The following KIAA1217 variants were observed in gnomAD, a reference collection of about 807,000 sequenced individuals.
The protein encoded by KIAA1217 is sickle tail protein homolog.
In KIAA1217, 88 loss-of-function variants were observed where a neutral mutation model predicts 163.9. That is an observed-to-expected ratio of 0.54 (90% CI 0.45 to 0.64). The LOEUF is 0.64. Ranked by LOEUF, KIAA1217 falls within the 30% of genes least tolerant of loss-of-function variation. The pLI, the probability that KIAA1217 is intolerant of heterozygous loss-of-function variation, is 0.00. For synonymous variants in KIAA1217, 903 were observed against 923.1 expected, an observed-to-expected ratio of 0.98 and a Z score of 0.39; for missense variants, 2,372 against 2,475.0, an observed-to-expected ratio of 0.96 and a Z score of 0.88.
chr10:24,064,831 T>C (rs1564655495), intron 2 of KIAA1217, among the ~76,000 whole-genome samples: 1 of 152,220 alleles, frequency 6.6e-6, no homozygotes, highest in African/African-American at 2.4e-5. Context: ...CTGTTATTGG[T>C]CTATTCAGAG....
At chr10:24,187,444 G>A (rs2066491235) in intron 2 of KIAA1217, among the ~76,000 whole-genome samples, 1 of 152,098 alleles carries the variant, frequency 6.6e-6, no homozygotes, top group Non-Finnish European at 1.5e-5. Flanking sequence ...TCATTAATAT[G>A]TTCTGCACTT....
intron 9 of KIAA1217, among the ~76,000 whole-genome samples, chr10:24,505,564 G>C (rs922080100): frequency 2.0e-5 from 3 of 151,950 alleles, no homozygotes; most frequent in Non-Finnish European, 2.9e-5. Flanking sequence ...TCCCCTCCTT[G>C]TGGGTGGCTG....
intron 1 of KIAA1217, among the ~76,000 whole-genome samples, chr10:23,725,078 T>C (rs1344918899): frequency 6.6e-6 from 1 of 152,198 alleles, no homozygotes; most frequent in East Asian, 1.9e-4. Context: ...CCTGCCTATG[T>C]CATGGGTTCT....
intron 2 of KIAA1217, among the ~76,000 whole-genome samples, chr10:24,143,815 A>T (rs1423284676): frequency 3.7e-5 from 5 of 134,496 alleles, no homozygotes; most frequent in East Asian, 4.2e-4. Flanking sequence ...ATTCCTGATT[A>T]AAAAAAAAAA....
chr10:23,940,510 CA>C (rs1233660413), intron 1 of KIAA1217, among the ~76,000 whole-genome samples: 1 of 147,878 alleles, frequency 6.8e-6, no homozygotes, highest in Admixed American at 6.8e-5. Context: ...GAAATTTCAG[CA>C]GTTGTTACTT....
chr10:24,526,497 G>A (rs771034835), intron 13 of KIAA1217, among the ~76,000 whole-genome samples: 1 of 152,150 alleles, frequency 6.6e-6, no homozygotes, highest in African/African-American at 2.4e-5. Flanking sequence ...TCAGTATGAT[G>A]GCACTCTTAT....
At chr10:24,545,417 C>G in intron 20 of KIAA1217, 1 of 1,302,634 alleles carries the variant, frequency 7.7e-7, no homozygotes, top group South Asian at 2.0e-5. Flanking sequence ...GAAGCAGAGA[C>G]AAACCAACCT....
intron 2 of KIAA1217, among the ~76,000 whole-genome samples, chr10:24,270,593 T>G (rs1564378847): frequency 6.6e-6 from 1 of 152,210 alleles, no homozygotes; most frequent in East Asian, 1.9e-4. Context: ...CAGGCTGGAG[T>G]GCAGTGGTGC....
chr10:23,793,791 G>A (rs1354913720), intron 1 of KIAA1217, among the ~76,000 whole-genome samples: 1 of 152,144 alleles, frequency 6.6e-6, no homozygotes, highest in Non-Finnish European at 1.5e-5. Flanking sequence ...CAAGCACAAA[G>A]CACACCCCTA....
chr10:24,459,204 C>T (rs1305163729), intron 5 of KIAA1217, among the ~76,000 whole-genome samples: 1 of 152,170 alleles, frequency 6.6e-6, no homozygotes, highest in Non-Finnish European at 1.5e-5. Flanking sequence ...TGTCCTTGAC[C>T]ATGCCTTAGT....
chr10:23,986,173 G>A (rs1461866670), intron 1 of KIAA1217, among the ~76,000 whole-genome samples: 1 of 152,226 alleles, frequency 6.6e-6, no homozygotes, highest in Non-Finnish European at 1.5e-5. Flanking sequence ...TTGAAAAGCA[G>A]GGATTCATAA....
intron 2 of KIAA1217, among the ~76,000 whole-genome samples, chr10:24,151,485 A>G (rs186604307): frequency 1.4e-5 from 2 of 147,520 alleles, no homozygotes; most frequent in African/African-American, 5.1e-5. Flanking sequence ...TCAAGGTTCT[A>G]TGACAGGCGC....
intron 1 of KIAA1217, among the ~76,000 whole-genome samples, chr10:23,869,741 C>T (rs1377052182): frequency 1.3e-5 from 2 of 152,062 alleles, no homozygotes; most frequent in Non-Finnish European, 2.9e-5. Context: ...ACAAGTACCA[C>T]GGCCGCCAAG....
chr10:24,403,457 T>C (rs2056817278), intron 3 of KIAA1217, among the ~76,000 whole-genome samples: 1 of 152,176 alleles, frequency 6.6e-6, no homozygotes, highest in Non-Finnish European at 1.5e-5. Flanking sequence ...CAGGCTGTTC[T>C]CGAACTCCTG....
At chr10:24,106,389 T>G (rs1260772390) in intron 2 of KIAA1217, among the ~76,000 whole-genome samples, 1 of 151,978 alleles carries the variant, frequency 6.6e-6, no homozygotes, top group Non-Finnish European at 1.5e-5. Context: ...TCCTTCCTCC[T>G]GCCTAGAATG....
At chr10:23,991,768 T>G (rs934121303) in intron 1 of KIAA1217, among the ~76,000 whole-genome samples, 4 of 152,146 alleles carry the variant, frequency 2.6e-5, no homozygotes, top group African/African-American at 9.7e-5. Flanking sequence ...GGCGATAACA[T>G]GCACACATAC....
At position 24,473,288 on chromosome 10, in the gene KIAA1217, A is replaced by G. The variant is rs1193844782; in HGVS notation, c.907A>G (p.Thr303Ala). The G allele has an allele frequency of 6.5e-7, 1 of 1,532,086 alleles. No homozygotes were observed. Among genetic ancestry groups the G allele is most frequent in the East Asian group, 2.3e-5 (1 of 44,194 alleles). 94.9% of individuals were successfully genotyped at this position (1,532,086 alleles called of 1,614,324 possible). A position where few individuals can be genotyped will look rare whatever the true frequency, so the allele number is the denominator to read the frequency against. The change falls in exon 6 of 21, where the codon ACT (threonine) becomes GCT (alanine). Residue 303 changes from threonine to alanine, a missense_variant. Transcript: ENST00000376454. Reference protein sequence around the residue: ...DGPGAPRPGSTAHPPHAIPNS... With the variant: ...DGPGAPRPGSAAHPPHAIPNS... Reference sequence around the variant, plus strand: ...CCCTGGGGCCCCTCGCCCCGGATCTACTGCTCATCCACCCCATGCGATTCC... The same window carrying G: ...CCCTGGGGCCCCTCGCCCCGGATCTGCTGCTCATCCACCCCATGCGATTCC...
intron 2 of KIAA1217, among the ~76,000 whole-genome samples, chr10:24,099,287 A>T (rs1388872718): frequency 6.6e-6 from 1 of 150,398 alleles, no homozygotes; most frequent in East Asian, 2.0e-4. Context: ...TGCACCCATT[A>T]ACTCGTCATT....
intron 2 of KIAA1217, among the ~76,000 whole-genome samples, chr10:24,123,711 A>G (rs2063369242): frequency 6.6e-6 from 1 of 152,156 alleles, no homozygotes; most frequent in African/African-American, 2.4e-5. Flanking sequence ...AGACTCGAAA[A>G]TGGTATTTGT....
Sources: allele counts gnomAD v4.1 joint callset (sites outside exome capture counted in the v4.1 genomes callset), GRCh38; gene constraint gnomAD v4.1.1; transcripts MANE v1.5; gene names NCBI Gene and HGNC (gene_info 2026-07-23, HGNC 2026-07-21).